SPOP: variants seen among roughly 807,000 people sequenced by gnomAD.
SPOP encodes speckle-type POZ protein.
A neutral mutation model predicts 45.6 loss-of-function variants in SPOP; 11 were observed. The observed-to-expected ratio is 0.24, with a 90% CI of 0.15 to 0.40. The LOEUF (loss-of-function observed/expected upper bound fraction) is 0.40, where lower values mean the gene tolerates loss of function less well. SPOP is among the 10% of genes least tolerant of loss of function. SPOP has a pLI of 1.00. For missense variants in SPOP, 152 were observed against 465.6 expected (o/e 0.33, Z 6.20); for synonymous variants, 166 against 166.3 (o/e 1.00, Z 0.01).
chr17:49,658,300 A>ATTTTTTATTTTTTTTACTTTTTTTATT (rs1403301260), intron 1 of SPOP, among the ~76,000 whole-genome samples: 4 of 152,118 alleles, frequency 2.6e-5, no homozygotes, highest in Non-Finnish European at 5.9e-5. Context: ...ATTTGGGGTA[A>ATTTTTTATTTTTTTTACTTTTTTTATT]TTTTTTACTT....
intron 1 of SPOP, among the ~76,000 whole-genome samples, chr17:49,669,465 TAA>T (rs1338594142): frequency 1.6e-5 from 2 of 123,644 alleles, no homozygotes; most frequent in Non-Finnish European, 1.7e-5. Context: ...TACGGAATAT[TAA>T]AAAAAAAAAA....
chr17:49,624,222 A>C (rs767586947), intron 1 of SPOP, among the ~76,000 whole-genome samples: 23 of 152,042 alleles, frequency 1.5e-4, no homozygotes, highest in Non-Finnish European at 2.8e-4. Context: ...TCTACTGTAC[A>C]ACATGAGGGC....
At chr17:49,668,773 ATCTT>A (rs1885396008) in intron 1 of SPOP, among the ~76,000 whole-genome samples, 1 of 149,556 alleles carries the variant, frequency 6.7e-6, no homozygotes, top group Non-Finnish European at 1.5e-5. Flanking sequence ...ATATATACAT[ATCTT>A]TTTTTTTTTT....
intron 1 of SPOP, among the ~76,000 whole-genome samples, chr17:49,634,673 A>C (rs527908139): frequency 3.9e-5 from 6 of 152,346 alleles, no homozygotes; most frequent in Admixed American, 2.6e-4. Flanking sequence ...ATATAACCCC[A>C]CAGAGTCCCC....
intron 1 of SPOP, among the ~76,000 whole-genome samples, chr17:49,670,593 T>C (rs374227029): frequency 1.1e-4 from 16 of 152,350 alleles, no homozygotes; most frequent in South Asian, 8.3e-4. Context: ...TTTGCTAAGA[T>C]AGGAATTAGT....
At chr17:49,629,642 A>G (rs2072410994) in intron 1 of SPOP, among the ~76,000 whole-genome samples, 2 of 152,224 alleles carry the variant, frequency 1.3e-5, no homozygotes, top group South Asian at 2.1e-4. Flanking sequence ...AAATGTCCCA[A>G]TAGTTTATTT....
At chr17:49,640,122 G>A (rs1291036510) in intron 1 of SPOP, among the ~76,000 whole-genome samples, 5 of 151,832 alleles carry the variant, frequency 3.3e-5, no homozygotes, top group South Asian at 2.1e-4. Flanking sequence ...ATGTGGTGGC[G>A]CACACCTGTA....
intron 1 of SPOP, among the ~76,000 whole-genome samples, chr17:49,655,390 A>G (rs1027840659): frequency 1.3e-5 from 2 of 152,048 alleles, no homozygotes; most frequent in African/African-American, 4.8e-5. Flanking sequence ...GGGCACCTGT[A>G]GTCCCAGCTA....
chr17:49,665,134 C>G (rs2073035987), intron 1 of SPOP, among the ~76,000 whole-genome samples: 1 of 152,042 alleles, frequency 6.6e-6, no homozygotes, highest in South Asian at 2.1e-4. Context: ...ATAAGGTTCC[C>G]TTCCATTTGA....
intron 1 of SPOP, among the ~76,000 whole-genome samples, chr17:49,651,045 C>T (rs984528571): frequency 6.6e-6 from 1 of 152,188 alleles, no homozygotes; most frequent in Non-Finnish European, 1.5e-5. Flanking sequence ...ACCTAGCTAT[C>T]ATACTATCTC....
chr17:49,650,983 C>A (rs1597968503), intron 1 of SPOP, among the ~76,000 whole-genome samples: 1 of 152,280 alleles, frequency 6.6e-6, no homozygotes, highest in Middle Eastern at 3.4e-3. Flanking sequence ...TAGTGGCTTG[C>A]CCAATGTGTT....
intron 1 of SPOP, among the ~76,000 whole-genome samples, chr17:49,629,943 T>C (rs1019454396): frequency 2.6e-5 from 4 of 152,314 alleles, no homozygotes; most frequent in East Asian, 1.9e-4. Context: ...ATGACAAAAA[T>C]AGTTGAATAT....
At chr17:49,603,988 G>A (rs2071788079) in intron 8 of SPOP, among the ~76,000 whole-genome samples, 1 of 152,176 alleles carries the variant, frequency 6.6e-6, no homozygotes, top group Admixed American at 6.5e-5. Context: ...CATGGCAGAA[G>A]TTTAATCTTG....
chr17:49,667,290 C>T (rs1024815546), intron 1 of SPOP, among the ~76,000 whole-genome samples: 2 of 140,368 alleles, frequency 1.4e-5, no homozygotes, highest in East Asian at 2.0e-4. Context: ...ATATCCAGAG[C>T]CTTAAAAAAA....
chr17:49,642,884 T>G (rs572329830), intron 1 of SPOP, among the ~76,000 whole-genome samples: 1 of 152,354 alleles, frequency 6.6e-6, no homozygotes, highest in East Asian at 1.9e-4. Context: ...CGAGTATACA[T>G]ATAGTGCTTG....
intron 5 of SPOP, among the ~76,000 whole-genome samples, chr17:49,615,156 A>G (rs2072058190): frequency 6.6e-6 from 1 of 152,132 alleles, no homozygotes; most frequent in South Asian, 2.1e-4. Flanking sequence ...AGCTATGATT[A>G]AGCAACTGCA....
At chr17:49,649,955 G>A (rs1309692620) in intron 1 of SPOP, among the ~76,000 whole-genome samples, 4 of 151,708 alleles carry the variant, frequency 2.6e-5, no homozygotes, top group African/African-American at 9.7e-5. Context: ...ACAATGGCAC[G>A]ATCTCGGCTC....
At chr17:49,652,057 C>T (rs1049155253) in intron 1 of SPOP, among the ~76,000 whole-genome samples, 25 of 151,914 alleles carry the variant, frequency 1.6e-4, no homozygotes, top group Admixed American at 1.1e-3. Context: ...CCCACCAATA[C>T]TACTACAGGT....
intron 1 of SPOP, among the ~76,000 whole-genome samples, chr17:49,675,339 T>C (rs917014229): frequency 1.3e-5 from 2 of 152,048 alleles, no homozygotes; most frequent in African/African-American, 4.8e-5. Context: ...CCAAGATAAA[T>C]AAAGTGAGAA....
Sources: gnomAD v4.1 joint callset for allele counts (sites outside exome capture counted in the v4.1 genomes callset) on GRCh38, gnomAD v4.1.1 for gene constraint, MANE v1.5 for transcripts, NCBI Gene and HGNC (gene_info 2026-07-23, HGNC 2026-07-21) for gene names.